PCLO: variants seen among roughly 807,000 people sequenced by gnomAD.
The protein encoded by PCLO is protein piccolo.
PCLO carries 82 observed loss-of-function variants against 427.5 expected under a neutral mutation model. The observed-to-expected ratio is 0.19, with a 90% confidence interval of 0.16 to 0.23. The LOEUF is 0.23. Among genes scored for constraint, PCLO ranks in the 10% least tolerant of loss-of-function variants. The pLI is 1.00. For missense variants in PCLO, 6,239 were observed against 6,115.9 expected, an observed-to-expected ratio of 1.02 and a Z score of -0.67; for synonymous variants, 2,357 against 2,155.4, an observed-to-expected ratio of 1.09 and a Z score of -2.59.
intron 9 of PCLO, among the ~76,000 whole-genome samples, chr7:82,883,139 A>G (rs1487406140): frequency 6.6e-6 from 1 of 152,074 alleles, no homozygotes; most frequent in Non-Finnish European, 1.5e-5. Flanking sequence ...TTTTTATAAT[A>G]AAGTTATCCT....
intron 10 of PCLO, among the ~76,000 whole-genome samples, chr7:82,853,969 A>G (rs1254078563): frequency 1.3e-5 from 2 of 152,172 alleles, no homozygotes; most frequent in Non-Finnish European, 2.9e-5. Context: ...AGGTTTATAT[A>G]AGAAATTTAA....
intron 3 of PCLO, among the ~76,000 whole-genome samples, chr7:83,008,791 T>C: frequency 6.6e-6 from 1 of 151,850 alleles, no homozygotes; most frequent in Non-Finnish European, 1.5e-5. Context: ...CATATTGGTA[T>C]ACATAGACAA....
At chr7:82,893,818 T>C (rs1793836107) in intron 9 of PCLO, among the ~76,000 whole-genome samples, 1 of 151,986 alleles carries the variant, frequency 6.6e-6, no homozygotes, top group East Asian at 1.9e-4. Context: ...TATTTAGAAT[T>C]GTTATTATGT....
intron 10 of PCLO, among the ~76,000 whole-genome samples, chr7:82,871,085 C>A (rs1483399380): frequency 2.6e-5 from 4 of 151,818 alleles, no homozygotes; most frequent in Non-Finnish European, 5.9e-5. Context: ...AACTACCATA[C>A]AATACACTGA....
chr7:82,970,347 G>C (rs1025193361), intron 3 of PCLO, among the ~76,000 whole-genome samples: 9 of 151,914 alleles, frequency 5.9e-5, no homozygotes, highest in African/African-American at 2.2e-4. Flanking sequence ...AGTAAAATCT[G>C]CTTCTTTAAG....
At chr7:83,156,966 G>A (rs898911868) in intron 1 of PCLO, among the ~76,000 whole-genome samples, 6 of 152,116 alleles carry the variant, frequency 3.9e-5, no homozygotes, top group Non-Finnish European at 8.8e-5. Flanking sequence ...AATATAATGT[G>A]AAATAAGGGG....
At chr7:83,158,316 G>C (rs1021087698) in intron 1 of PCLO, among the ~76,000 whole-genome samples, 2 of 152,022 alleles carry the variant, frequency 1.3e-5, no homozygotes, top group South Asian at 2.1e-4. Context: ...AAATCATTCT[G>C]AACATTTCTT....
intron 3 of PCLO, among the ~76,000 whole-genome samples, chr7:83,048,572 A>G (rs1198858441): frequency 6.6e-6 from 1 of 151,984 alleles, no homozygotes; most frequent in East Asian, 1.9e-4. Context: ...TTTCCCCCCA[A>G]CTCCACACTA....
chr7:82,883,423 T>G (rs1793556176), intron 9 of PCLO, among the ~76,000 whole-genome samples: 1 of 152,162 alleles, frequency 6.6e-6, no homozygotes, highest in African/African-American at 2.4e-5. Context: ...ATATTAAAAA[T>G]TCAGTTATTT....
intron 8 of PCLO, among the ~76,000 whole-genome samples, chr7:82,902,960 C>T (rs973779532): frequency 1.3e-5 from 2 of 151,994 alleles, no homozygotes; most frequent in African/African-American, 4.8e-5. Context: ...ACCAATTGCT[C>T]TTGCAAAATG....
At chr7:82,944,895 C>G (rs950921387) in intron 6 of PCLO, among the ~76,000 whole-genome samples, 3 of 152,142 alleles carry the variant, frequency 2.0e-5, no homozygotes, top group Admixed American at 6.5e-5. Flanking sequence ...CATTCTGATT[C>G]TACCCATTTT....
chr7:82,999,488 AT>A lies in PCLO; in HGVS notation c.3301-33002del, dbSNP rs1231621523. On this transcript the variant is annotated intron_variant, in intron 3 of 24. Transcript: ENST00000333891. ...TAATATATATCCATTATTATAAAATATAATATATATAATATTATATTAAAAT... is the reference window on the plus strand; with the variant it reads ...TAATATATATCCATTATTATAAAATAAATATATATAATATTATATTAAAAT... 3.6e-5 allele frequency among the ~76,000 whole-genome samples: 2 copies of A among 55,630 alleles called. 1 individual carries two copies. The highest frequency in any genetic ancestry group is 5.4e-5 in the Non-Finnish European group (2 of 37,380). 36.5% of individuals were successfully genotyped at this position (55,630 alleles called of 152,430 possible).
Position 82,757,818 on chromosome 7 carries a change from C to T in PCLO, c.*757G>A, listed in dbSNP as rs957844306. The T allele has an allele frequency of 3.3e-5, 5 of 151,896 alleles. No individual in the cohort carries two copies. The highest frequency in any genetic ancestry group is 6.6e-5 in the Admixed American group (1 of 15,228). The allele number at this position is 151,896 out of a possible 1,614,324, so 9.4% of individuals were successfully genotyped here. On this transcript the variant is annotated 3_prime_UTR_variant, in exon 25 of 25. Transcript: ENST00000333891. ...ATGGGGCAACATTCTTCTTTGTTAGCCAGTCATAGTTTTATTTCTAGATAA... is the reference window on the plus strand; with the variant it reads ...ATGGGGCAACATTCTTCTTTGTTAGTCAGTCATAGTTTTATTTCTAGATAA...
intron 22 of PCLO, among the ~76,000 whole-genome samples, chr7:82,778,536 T>C (rs62466905): frequency 0.017 from 2,540 of 152,282 alleles, 33 homozygotes; most frequent in Middle Eastern, 0.034. Flanking sequence ...ATTATTAGTC[T>C]TTTACATTAT....
chr7:82,878,403 G>T (rs1793425098), intron 10 of PCLO, among the ~76,000 whole-genome samples: 1 of 152,068 alleles, frequency 6.6e-6, no homozygotes, highest in Non-Finnish European at 1.5e-5. Context: ...TGAAATGACA[G>T]AAAAACATTT....
At chr7:83,090,754 T>C (rs1047471466) in intron 3 of PCLO, among the ~76,000 whole-genome samples, 3 of 152,136 alleles carry the variant, frequency 2.0e-5, no homozygotes, top group Non-Finnish European at 4.4e-5. Flanking sequence ...AAATTACATT[T>C]TTTTGATAAA....
intron 22 of PCLO, among the ~76,000 whole-genome samples, chr7:82,793,438 G>A (rs555837330): frequency 6.6e-6 from 1 of 152,114 alleles, no homozygotes; most frequent in Non-Finnish European, 1.5e-5. Flanking sequence ...CTACAGGCTG[G>A]CTCTTCTGCT....
At chr7:83,119,499 C>A (rs1791220489) in intron 3 of PCLO, among the ~76,000 whole-genome samples, 1 of 151,830 alleles carries the variant, frequency 6.6e-6, no homozygotes, top group Non-Finnish European at 1.5e-5. Context: ...ATGCAGTGAC[C>A]AAAGACTTCA....
chr7:82,892,568 T>C (rs1793796006), intron 9 of PCLO, among the ~76,000 whole-genome samples: 1 of 151,364 alleles, frequency 6.6e-6, no homozygotes, highest in Non-Finnish European at 1.5e-5. Flanking sequence ...AAAGCCAAAA[T>C]TGACAAATGG....
Sources: allele counts gnomAD v4.1 joint callset (sites outside exome capture counted in the v4.1 genomes callset), GRCh38; gene constraint gnomAD v4.1.1; transcripts MANE v1.5; gene names NCBI Gene and HGNC (gene_info 2026-07-23, HGNC 2026-07-21).